The following FMR1NB variants were observed in gnomAD, a reference collection of about 807,000 sequenced individuals.
FMR1NB encodes FMR1 neighbor protein.
A neutral mutation model predicts 16.8 loss-of-function variants in FMR1NB; 10 were observed. That is an observed-to-expected ratio of 0.60 (90% CI 0.37 to 1.01). The LOEUF (loss-of-function observed/expected upper bound fraction) is 1.01, where lower values mean the gene tolerates loss of function less well. Among genes scored for constraint, FMR1NB ranks in the 50% least tolerant of loss-of-function variants. The pLI is 0.01. For missense variants in FMR1NB, 205 were observed against 204.8 expected (o/e 1.00, Z 0.00); for synonymous variants, 83 against 79.1 (o/e 1.05, Z -0.26).
intron 4 of FMR1NB, among the ~76,000 whole-genome samples, chrX:148,009,985 A>T (rs1265167393): frequency 8.9e-6 from 1 of 112,120 alleles, no homozygotes; most frequent in Non-Finnish European, 1.9e-5. Context: ...GTGGCTAGGA[A>T]TATACCATGA....
At position 147,990,850 on chromosome X, in the gene FMR1NB, G is replaced by T. The variant is rs781931901; in HGVS notation, c.277+9171G>T. Among the ~76,000 whole-genome samples the T allele has an allele frequency of 2.5e-4, 27 of 108,745 alleles. 1 individual carries two copies. Among genetic ancestry groups the T allele is most frequent in the African/African-American group, 8.4e-4 (25 of 29,678 alleles). 94.4% of individuals were successfully genotyped at this position (108,745 alleles called of 115,157 possible). ...CATCTCTCCCAAGACCTTCTTTTCA[G>T]TACCTCCATCACATGGGACTAACCT... On this transcript the variant is annotated intron_variant, in intron 1 of 5. Transcript: ENST00000370467.
chrX:148,005,843 G>A (rs1033844809), intron 2 of FMR1NB, among the ~76,000 whole-genome samples: 4 of 111,906 alleles, frequency 3.6e-5, no homozygotes, highest in South Asian at 3.7e-4. Context: ...AAACAATTAC[G>A]TTGTTCTTTG....
Position 148,024,940 on chromosome X carries a change from G to T in FMR1NB, c.708G>T (p.Lys236Asn). ...TGLKKQRRKR[K>N]RKSEMLQKAA... ...TGAAGAAACAAAGAAGGAAGCGAAA[G>T]AGGAAGTCTGAAATGTTACAGAAAG... Residue 236 changes from lysine to asparagine, a missense_variant, in exon 5 of 6, where the codon AAG becomes AAT. By Grantham distance (94) the Lys-to-Asn change is moderately conservative. Coordinates refer to ENST00000370467, the MANE Select transcript of FMR1NB (RefSeq NM_152578.3). 1 of 1,211,237 alleles carries T rather than the reference G, an allele frequency of 8.3e-7. No individual in the cohort carries two copies. The highest frequency in any genetic ancestry group is 1.1e-6 in the Non-Finnish European group (1 of 895,107).
intron 4 of FMR1NB, among the ~76,000 whole-genome samples, chrX:148,011,711 G>A (rs1410462847): frequency 9.0e-6 from 1 of 111,048 alleles, no homozygotes; most frequent in African/African-American, 3.3e-5. Context: ...AGATAGAGAG[G>A]GGTCCTTTTC....
intron 1 of FMR1NB, among the ~76,000 whole-genome samples, chrX:147,983,625 A>T (rs1203103661): frequency 1.8e-5 from 2 of 112,187 alleles, no homozygotes; most frequent in Non-Finnish European, 3.8e-5. Context: ...TATATTCTGG[A>T]TACTGGATCC....
intron 1 of FMR1NB, among the ~76,000 whole-genome samples, 190 bp from the exon 2 acceptor site, chrX:148,003,011 A>T (rs2124619885): frequency 8.9e-6 from 1 of 112,289 alleles, no homozygotes; most frequent in African/African-American, 3.2e-5. Flanking sequence ...TAAATTTAAC[A>T]CTTTTTCAGT....
intron 4 of FMR1NB, among the ~76,000 whole-genome samples, chrX:148,023,537 A>AACC (rs201998053): frequency 1.8e-5 from 2 of 111,306 alleles, no homozygotes; most frequent in African/African-American, 6.6e-5. Flanking sequence ...CTGTACAGCT[A>AACC]AGTAGCACTT....
At chrX:147,990,751 T>A (rs2044500199) in intron 1 of FMR1NB, among the ~76,000 whole-genome samples, 2 of 111,572 alleles carry the variant, frequency 1.8e-5, no homozygotes, top group Non-Finnish European at 3.8e-5. Flanking sequence ...CTCCTTAACC[T>A]CCCTTCACAA....
chrX:147,987,507 A>G (rs1557187197), intron 1 of FMR1NB, among the ~76,000 whole-genome samples: 1 of 111,496 alleles, frequency 9.0e-6, no homozygotes, highest in African/African-American at 3.3e-5. Context: ...AAGAATGTAT[A>G]TTCTGTTGAT....
At chrX:147,987,200 A>G in intron 1 of FMR1NB, among the ~76,000 whole-genome samples, 1 of 111,853 alleles carries the variant, frequency 8.9e-6, no homozygotes, top group Non-Finnish European at 1.9e-5. Context: ...GAAGTTGTTT[A>G]TCAGCTTAAG....
intron 4 of FMR1NB, among the ~76,000 whole-genome samples, chrX:148,023,631 A>G (rs961251461): frequency 9.0e-6 from 1 of 111,127 alleles, no homozygotes; most frequent in African/African-American, 3.3e-5. Flanking sequence ...TCTTCATAAT[A>G]TTGTGTGCAA....
chrX:147,981,737 A>C (rs782555748), intron 1 of FMR1NB, 58 bp downstream of exon 1: 1 of 3,958 alleles, frequency 2.5e-4, no homozygotes, highest in East Asian at 4.2e-3. Flanking sequence ...GGGGAGGGAG[A>C]GGGGGGCGGG....
At chrX:147,982,417 G>A (rs1190373989) in intron 1 of FMR1NB, among the ~76,000 whole-genome samples, 4 of 109,072 alleles carry the variant, frequency 3.7e-5, no homozygotes, top group Admixed American at 9.7e-5. Context: ...GTGAAACCCC[G>A]TCTCTACTAA....
intron 2 of FMR1NB, 81 bp from the exon 3 acceptor site, chrX:148,006,621 T>C: frequency 2.9e-6 from 3 of 1,039,839 alleles, no homozygotes; most frequent in Non-Finnish European, 3.9e-6. Flanking sequence ...TTTTCTTCTT[T>C]GTCTTCCAGT....
intron 4 of FMR1NB, among the ~76,000 whole-genome samples, chrX:148,024,263 A>G (rs1192048814): frequency 1.8e-5 from 2 of 111,892 alleles, no homozygotes; most frequent in Non-Finnish European, 3.8e-5. Context: ...TTTGCAAAAT[A>G]GGAAACACAC....
chrX:148,006,234 CA>C (rs1408630677), intron 2 of FMR1NB, among the ~76,000 whole-genome samples: 4 of 111,834 alleles, frequency 3.6e-5, no homozygotes, highest in Non-Finnish European at 7.5e-5. Flanking sequence ...TAAGTGTTCA[CA>C]AAAAGTAGGT....
rs781913399 is a variant in FMR1NB at position 148,014,999 on chromosome X, G to A, written c.632+6288G>A. Among the ~76,000 whole-genome samples, 3 of 111,257 alleles carry A rather than the reference G, an allele frequency of 2.7e-5. No homozygotes were observed. In the East Asian group the frequency reaches 8.5e-4, roughly 31 times the overall value. On this transcript the variant is annotated intron_variant, in intron 4 of 5. Coordinates refer to ENST00000370467, the MANE Select transcript of FMR1NB (RefSeq NM_152578.3). ...AGAGTTTTATTATAGCCTTGCTCTCGTTACTTGTTATTGGTCTATTCGGGT... is the reference window on the plus strand; with the variant it reads ...AGAGTTTTATTATAGCCTTGCTCTCATTACTTGTTATTGGTCTATTCGGGT...
intron 1 of FMR1NB, among the ~76,000 whole-genome samples, chrX:147,991,436 C>G: frequency 9.1e-6 from 1 of 110,009 alleles, no homozygotes; most frequent in Middle Eastern, 4.7e-3. Flanking sequence ...TCCATGCTCT[C>G]CCCTAACAAA....
chrX:147,984,633 C>T (rs1450686584), intron 1 of FMR1NB, among the ~76,000 whole-genome samples: 1 of 111,695 alleles, frequency 9.0e-6, no homozygotes, highest in African/African-American at 3.3e-5. Flanking sequence ...ATATTCTAGA[C>T]ATAGAATCAT....
Sources: allele counts gnomAD v4.1 joint callset (sites outside exome capture counted in the v4.1 genomes callset), GRCh38; gene constraint gnomAD v4.1.1; transcripts MANE v1.5; gene names NCBI Gene and HGNC (gene_info 2026-07-23, HGNC 2026-07-21).